NOVA2: variants seen among roughly 807,000 people sequenced by gnomAD.
The protein encoded by NOVA2 is NOVA alternative splicing regulator 2.
Under a neutral mutation model 22.5 loss-of-function variants are expected in NOVA2, and 9 were observed. That is an observed-to-expected ratio of 0.40 (90% CI 0.24 to 0.70). The LOEUF (loss-of-function observed/expected upper bound fraction) is 0.70. Among genes scored for constraint, NOVA2 ranks in the 30% least tolerant of loss-of-function variants. The pLI is 0.38. For missense variants in NOVA2, 383 were observed against 682.8 expected (o/e 0.56, Z 4.89); for synonymous variants, 318 against 335.2 (o/e 0.95, Z 0.56).
chr19:45,946,086 CT>C (rs1401123970), intron 3 of NOVA2, among the ~76,000 whole-genome samples: 7 of 151,066 alleles, frequency 4.6e-5, no homozygotes, highest in African/African-American at 1.7e-4. Context: ...GGGCAGATCG[CT>C]TGAGCTCACA....
intron 1 of NOVA2, among the ~76,000 whole-genome samples, chr19:45,968,899 C>T (rs553534366): frequency 6.6e-6 from 1 of 152,308 alleles, no homozygotes; most frequent in East Asian, 1.9e-4. Flanking sequence ...TGGCTCACGC[C>T]TGTAATCCCA....
chr19:45,972,159 G>A (rs536956395), intron 1 of NOVA2, among the ~76,000 whole-genome samples: 2 of 151,866 alleles, frequency 1.3e-5, no homozygotes, highest in East Asian at 3.9e-4. Flanking sequence ...CTGTCACATG[G>A]GGACCCATCC....
intron 1 of NOVA2, among the ~76,000 whole-genome samples, chr19:45,971,245 GAGAAGTGATC>G (rs1968228944): frequency 6.6e-6 from 1 of 152,150 alleles, no homozygotes; most frequent in Non-Finnish European, 1.5e-5. Context: ...AAGTTGTGCT[GAGAAGTGATC>G]AGATTCTAAG....
At chr19:45,942,019 G>A (rs1463562288) in intron 3 of NOVA2, among the ~76,000 whole-genome samples, 1 of 152,152 alleles carries the variant, frequency 6.6e-6, no homozygotes, top group Admixed American at 6.5e-5. Flanking sequence ...TTACAGATGA[G>A]CCTCTTGAGG....
intron 2 of NOVA2, among the ~76,000 whole-genome samples, chr19:45,960,643 T>C (rs1053820681): frequency 3.3e-5 from 5 of 151,004 alleles, no homozygotes; most frequent in Admixed American, 1.3e-4. Flanking sequence ...AGCAAGTGTG[T>C]GGAACATGGC....
chr19:45,948,610 A>G (rs1015681642), intron 3 of NOVA2, among the ~76,000 whole-genome samples: 1 of 151,982 alleles, frequency 6.6e-6, no homozygotes, highest in African/African-American at 2.4e-5. Context: ...AAAAAAAAAA[A>G]AAAAAAGAAA....
rs1175416770 is a variant in NOVA2, at chr19:45,973,259, T to C, written c.85+8A>G. Reference sequence around the variant, plus strand: ...GCTCCCCCGCCCCGAGCCGCAGCCCTTTCTCACCTCCCGTGTTGCTGCGCT... The same window carrying C: ...GCTCCCCCGCCCCGAGCCGCAGCCCCTTCTCACCTCCCGTGTTGCTGCGCT... On this transcript the variant is annotated splice_region_variant and intron_variant, in intron 1 of 3. Transcript: ENST00000263257. The C allele has an allele frequency of 4.8e-6, 7 of 1,446,988 alleles. No homozygotes were observed. Among genetic ancestry groups the C allele is most frequent in the Admixed American group, 2.4e-5 (1 of 42,196 alleles). The allele number at this position is 1,446,988 out of a possible 1,614,324, so 89.6% of individuals were successfully genotyped here. A position where few individuals can be genotyped will look rare whatever the true frequency, so the allele number is the denominator to read the frequency against.
Position 45,941,307 on chromosome 19 carries a change from A to AT in NOVA2, c.397-363dup, listed in dbSNP as rs1323927405. Among the ~76,000 whole-genome samples the AT allele has an allele frequency of 7.7e-3, 570 of 73,866 alleles. 1 individual carries two copies. Among genetic ancestry groups the AT allele is most frequent in the African/African-American group, 0.024 (538 of 22,594 alleles). The allele number at this position is 73,866 out of a possible 152,430, so 48.5% of individuals were successfully genotyped here. A position where few individuals can be genotyped will look rare whatever the true frequency, so the allele number is the denominator to read the frequency against. Reference sequence around the variant, plus strand: ...AGACCCTGTCTCAAAATAAAATAAAATAATATATATATATATATATATAAT... The same window carrying AT: ...AGACCCTGTCTCAAAATAAAATAAAATTAATATATATATATATATATATAAT... On this transcript the variant is annotated intron_variant, in intron 3 of 3. Transcript: ENST00000263257.
intron 3 of NOVA2, among the ~76,000 whole-genome samples, chr19:45,952,131 A>G (rs1047903298): frequency 6.6e-6 from 1 of 152,214 alleles, no homozygotes; most frequent in East Asian, 1.9e-4. Context: ...TGCAAGTCCA[A>G]GGCAGAAAAG....
chr19:45,966,181 C>T lies in NOVA2; in HGVS notation c.86-5028G>A, dbSNP rs150263435. Among the ~76,000 whole-genome samples the T allele has an allele frequency of 6.8e-3, 1,039 of 152,326 alleles. 6 individuals carry two copies. Among genetic ancestry groups the T allele is most frequent in the Non-Finnish European group, 9.0e-3 (609 of 68,038 alleles). On this transcript the variant is annotated intron_variant, in intron 1 of 3. Transcript: ENST00000263257. ...CCAGACCTTGTCTCCATTCTCTGCACTCAGCCTCTCTCTAATTCCTGTCTT... is the reference window on the plus strand; with the variant it reads ...CCAGACCTTGTCTCCATTCTCTGCATTCAGCCTCTCTCTAATTCCTGTCTT...
At chr19:45,964,179 C>CTTTTTTTTTTT (rs10555207) in intron 1 of NOVA2, among the ~76,000 whole-genome samples, 6 of 106,918 alleles carry the variant, frequency 5.6e-5, no homozygotes, top group Admixed American at 1.0e-4. Flanking sequence ...TTTTCTTTTT[C>CTTTTTTTTTTT]TTTTTTTTTT....
chr19:45,942,812 G>T (rs1322635854), intron 3 of NOVA2, among the ~76,000 whole-genome samples: 1 of 152,068 alleles, frequency 6.6e-6, no homozygotes, highest in Admixed American at 6.6e-5. Flanking sequence ...TTCAAAACCA[G>T]TCATGTCCTT....
chr19:45,966,245 C>T (rs545708328), intron 1 of NOVA2, among the ~76,000 whole-genome samples: 26 of 152,250 alleles, frequency 1.7e-4, no homozygotes, highest in African/African-American at 5.3e-4. Flanking sequence ...CTTTTATGTC[C>T]TTCTGTACTG....
chr19:45,968,702 G>C (rs962923534), intron 1 of NOVA2, among the ~76,000 whole-genome samples: 8 of 152,236 alleles, frequency 5.3e-5, no homozygotes, highest in Non-Finnish European at 1.2e-4. Flanking sequence ...AACCCAGAGA[G>C]GTAGATCTTC....
chr19:45,943,651 T>C (rs931069347), intron 3 of NOVA2, among the ~76,000 whole-genome samples: 1 of 150,674 alleles, frequency 6.6e-6, no homozygotes, highest in Non-Finnish European at 1.5e-5. Flanking sequence ...CTGGGAGGTA[T>C]AGGCTACAGT....
chr19:45,945,262 A>C lies in NOVA2; in HGVS notation c.397-4317T>G, dbSNP rs552059143. On this transcript the variant is annotated intron_variant, in intron 3 of 3. Coordinates refer to ENST00000263257, the MANE Select transcript of NOVA2 (RefSeq NM_002516.4). ...GCTGCAGTGAGCTATAACAGGTGCC[A>C]CTACACTCCAGCCTGGGTGACAGTG... is the stretch of plus-strand genomic sequence containing the variant. Among the ~76,000 whole-genome samples the C allele has an allele frequency of 3.9e-5, 6 of 152,066 alleles. No individual in the cohort carries two copies. In the East Asian group the frequency reaches 1.2e-3, roughly 29 times the overall value.
chr19:45,954,521 G>A (rs986823627), intron 2 of NOVA2, among the ~76,000 whole-genome samples: 6 of 152,046 alleles, frequency 3.9e-5, no homozygotes, highest in Non-Finnish European at 5.9e-5. Context: ...GGGGGATGGG[G>A]GAGGCAGAGG....
chr19:45,955,664 C>T (rs1214229490), intron 2 of NOVA2, among the ~76,000 whole-genome samples: 1 of 151,966 alleles, frequency 6.6e-6, no homozygotes, highest in Admixed American at 6.6e-5. Context: ...TCGAGACCAT[C>T]CTGGGCAACA....
chr19:45,966,699 A>G (rs907483268), intron 1 of NOVA2, among the ~76,000 whole-genome samples: 4 of 152,140 alleles, frequency 2.6e-5, no homozygotes, highest in African/African-American at 9.7e-5. Context: ...CCAACATGGT[A>G]AAACCCCGTC....
Sources: allele counts gnomAD v4.1 joint callset (sites outside exome capture counted in the v4.1 genomes callset), GRCh38; gene constraint gnomAD v4.1.1; transcripts MANE v1.5; gene names NCBI Gene and HGNC (gene_info 2026-07-23, HGNC 2026-07-21).